Variants in GNG2 observed in about 807,000 individuals in gnomAD.
The protein encoded by GNG2 is guanine nucleotide-binding protein G(I)/G(S)/G(O) subunit gamma-2.
GNG2 carries 5 observed loss-of-function variants against 5.5 expected under a neutral mutation model. The observed-to-expected ratio is 0.91, with a 90% CI of 0.48 to 1.92. The LOEUF is 1.92. GNG2 is among the 30% of genes most tolerant of loss of function. The pLI is 0.01. For synonymous variants in GNG2, 28 were observed against 32.0 expected (o/e 0.88, Z 0.42); for missense variants, 55 against 88.4 (o/e 0.62, Z 1.52).
At position 51,914,097 on chromosome 14, in the gene GNG2, T is replaced by C. The variant is rs1425566950; in HGVS notation, c.-30+36440T>C. 1.4e-5 allele frequency: 9 copies of C among 620,740 alleles called. No individual in the cohort carries two copies. The South Asian group carries it at 1.6e-4, about 11-fold the overall frequency. 38.5% of individuals were successfully genotyped at this position (620,740 alleles called of 1,614,324 possible). A position where few individuals can be genotyped will look rare whatever the true frequency, so the allele number is the denominator to read the frequency against. The stretch of plus-strand genomic sequence containing the variant: ...TTTTGTTTGCTTGCTTGCCTTTTTA[T>C]CTACTTTTGCAGAAGATATTGAAAT... On this transcript the variant is annotated intron_variant, in intron 2 of 3. Transcript: ENST00000556766.
intron 2 of GNG2, among the ~76,000 whole-genome samples, chr14:51,907,878 A>T (rs1281967302): frequency 6.6e-6 from 1 of 152,248 alleles, no homozygotes; most frequent in Non-Finnish European, 1.5e-5. Flanking sequence ...GACAGAACCA[A>T]TGTGAGACTA....
At chr14:51,938,011 G>T (rs1311271455) in intron 2 of GNG2, among the ~76,000 whole-genome samples, 2 of 152,188 alleles carry the variant, frequency 1.3e-5, no homozygotes, top group Non-Finnish European at 2.9e-5. Flanking sequence ...TAACGCACAG[G>T]CTCTCACATT....
chr14:51,858,716 G>A (rs1025685508), upstream of GNG2, among the ~76,000 whole-genome samples: 3 of 152,108 alleles, frequency 2.0e-5, no homozygotes, highest in African/African-American at 7.2e-5. Context: ...AAAAGTTCCT[G>A]GTAACCTTTG....
rs544383382 is a variant in GNG2 at position 51,844,011 on chromosome 14, G to A, written c.64+16204G>A. Among the ~76,000 whole-genome samples, 27 of 152,286 alleles carry A rather than the reference G, an allele frequency of 1.8e-4. 1 individual carries two copies. In the South Asian group the frequency reaches 5.6e-3, roughly 32 times the overall value. On this transcript the variant is annotated intron_variant, in intron 2 of 3. Coordinates refer to the GNG2 transcript ENST00000553432. The stretch of plus-strand genomic sequence containing the variant: ...GACTCTTCTGGTGACTCAGGCAAAG[G>A]AAATGTATCTCCTTTCTGTGCATCT...
chr14:51,961,864 C>A (rs1438277097), intron 3 of GNG2, among the ~76,000 whole-genome samples: 1 of 152,066 alleles, frequency 6.6e-6, no homozygotes, highest in East Asian at 1.9e-4. Flanking sequence ...GAGGGGGAGG[C>A]CCAAAACATG....
intron 2 of GNG2, among the ~76,000 whole-genome samples, chr14:51,894,729 A>T (rs1885072780): frequency 6.6e-6 from 1 of 152,118 alleles, no homozygotes; most frequent in African/African-American, 2.4e-5. Context: ...ATTGGTACAT[A>T]AAAGTACATA....
At chr14:51,912,644 T>C (rs906993467) in intron 2 of GNG2, among the ~76,000 whole-genome samples, 1 of 152,172 alleles carries the variant, frequency 6.6e-6, no homozygotes, top group Non-Finnish European at 1.5e-5. Context: ...AATTGCATAA[T>C]TGACCAAGTC....
chr14:51,940,684 G>A (rs1888265691), intron 2 of GNG2, among the ~76,000 whole-genome samples: 1 of 152,198 alleles, frequency 6.6e-6, no homozygotes, highest in African/African-American at 2.4e-5. Context: ...TGAGAGAAAA[G>A]CAGTAAGTGT....
intron 1 of GNG2, among the ~76,000 whole-genome samples, chr14:51,865,596 C>G (rs1472537825): frequency 6.6e-6 from 1 of 152,088 alleles, no homozygotes; most frequent in African/African-American, 2.4e-5. Flanking sequence ...TAGAGTTAAA[C>G]AGTTCATTAA....
intron 3 of GNG2, among the ~76,000 whole-genome samples, chr14:51,952,317 C>G (rs1234107533): frequency 6.6e-6 from 1 of 152,216 alleles, no homozygotes; most frequent in Admixed American, 6.5e-5. Flanking sequence ...TTCTTCATGA[C>G]TGAGATCACT....
intron 2 of GNG2, among the ~76,000 whole-genome samples, chr14:51,834,166 A>C (rs1333874757): frequency 6.6e-6 from 1 of 152,240 alleles, no homozygotes; most frequent in Non-Finnish European, 1.5e-5. Context: ...TGGGGGAAGA[A>C]GGGCATTTTA....
At chr14:51,901,200 T>A (rs1307734821) in intron 2 of GNG2, among the ~76,000 whole-genome samples, 1 of 152,114 alleles carries the variant, frequency 6.6e-6, no homozygotes, top group Non-Finnish European at 1.5e-5. Context: ...TTTTTTTTCT[T>A]TTCTTGTTTT....
In GNG2 at chr14:51,966,231, A is replaced by AAG. The variant is rs1555359165; in HGVS notation, c.88-327_88-326insGA. ...TCTCAAAAAAAAAAAAAAAAAAAAA[A>AAG]AAAAAACAAATGAAGGAGACAGCCA... On this transcript the variant is annotated intron_variant, in intron 3 of 3. Transcript: ENST00000556766. Among the ~76,000 whole-genome samples, 59 of 108,574 alleles carry AAG rather than the reference A, an allele frequency of 5.4e-4. 1 individual carries two copies. Among genetic ancestry groups the AAG allele is most frequent in the African/African-American group, 1.7e-3 (53 of 31,964 alleles). 71.2% of individuals were successfully genotyped at this position (108,574 alleles called of 152,430 possible).
chr14:51,942,071 A>G (rs1888349495), intron 2 of GNG2, among the ~76,000 whole-genome samples: 1 of 152,194 alleles, frequency 6.6e-6, no homozygotes, highest in Non-Finnish European at 1.5e-5. Context: ...GACTGCATAA[A>G]AGAGACTCTG....
chr14:51,884,122 T>A (rs1047830838), intron 2 of GNG2, among the ~76,000 whole-genome samples: 3 of 152,156 alleles, frequency 2.0e-5, no homozygotes, highest in African/African-American at 7.2e-5. Context: ...AAGGTGAATA[T>A]AAGTGCCATT....
rs138395214 is a variant in GNG2, at chr14:51,945,133, C to CAA, written c.-29-5510_-29-5509dup. On this transcript the variant is annotated intron_variant, in intron 2 of 3. Coordinates refer to ENST00000556766, the MANE Select transcript of GNG2 (RefSeq NM_053064.5). Reference sequence around the variant, plus strand: ...ATGAAAACAAAACAAAACAAACAAACAAAAAAAACGGAAAATAACAAGTGT... The same window carrying CAA: ...ATGAAAACAAAACAAAACAAACAAACAAAAAAAAAACGGAAAATAACAAGTGT... 4.0e-5 allele frequency among the ~76,000 whole-genome samples: 6 copies of CAA among 150,336 alleles called. No individual in the cohort carries two copies. The South Asian group carries it at 6.3e-4, about 16-fold the overall frequency.
intron 2 of GNG2, chr14:51,841,397 C>CCAAACAAA (rs1041924067): frequency 3.6e-6 from 2 of 549,336 alleles, no homozygotes; most frequent in Non-Finnish European, 6.5e-6. Flanking sequence ...AGAGGCTGCA[C>CCAAACAAA]CAAACAAACA....
Position 51,829,434 on chromosome 14 carries a change from C to T in GNG2, c.64+1627C>T, listed in dbSNP as rs548483923. On this transcript the variant is annotated intron_variant, in intron 2 of 3. Transcript: ENST00000553432. ...TAGCTCAGATTCCAGAGCTCATCAT[C>T]ATTATGTCCTCATCTTACTTGTCTT... is the stretch of plus-strand genomic sequence containing the variant. Among the ~76,000 whole-genome samples, 5 of 152,308 alleles carry T rather than the reference C, an allele frequency of 3.3e-5. No individual in the cohort carries two copies. In the East Asian group the frequency reaches 7.7e-4, roughly 23 times the overall value.
At chr14:51,942,592 T>TCTTTCTTTC (rs574783206) in intron 2 of GNG2, among the ~76,000 whole-genome samples, 13 of 132,150 alleles carry the variant, frequency 9.8e-5, no homozygotes, top group African/African-American at 2.9e-4. Flanking sequence ...TTTCTTTCTT[T>TCTTTCTTTC]TTTTTTTTTT....
Sources: allele counts gnomAD v4.1 joint callset (sites outside exome capture counted in the v4.1 genomes callset), GRCh38; gene constraint gnomAD v4.1.1; transcripts MANE v1.5; gene names NCBI Gene and HGNC (gene_info 2026-07-23, HGNC 2026-07-21).